Variants in NRXN3 observed in about 807,000 individuals in gnomAD.
NRXN3 encodes neurexin III.
In NRXN3, 32 loss-of-function variants were observed where a neutral mutation model predicts 137.6. The observed-to-expected ratio is 0.23, with a 90% confidence interval of 0.18 to 0.31. NRXN3 has a LOEUF of 0.31. Among genes scored for constraint, NRXN3 ranks in the 10% least tolerant of loss-of-function variants. NRXN3 has a pLI of 1.00. For synonymous variants in NRXN3, 798 were observed against 784.5 expected, an observed-to-expected ratio of 1.02 and a Z score of -0.29; for missense variants, 1,574 against 2,062.5, an observed-to-expected ratio of 0.76 and a Z score of 4.59.
chr14:79,089,308 C>A (rs2202175), intron 15 of NRXN3, among the ~76,000 whole-genome samples: 76,317 of 151,846 alleles, frequency 0.5, 22,387 homozygotes, highest in East Asian at 0.78. Flanking sequence ...GCTTTGAGCT[C>A]CCGAGAATGC....
At chr14:78,894,485 G>T (rs1212598019) in intron 10 of NRXN3, among the ~76,000 whole-genome samples, 1 of 151,780 alleles carries the variant, frequency 6.6e-6, no homozygotes, top group East Asian at 1.9e-4. Context: ...TAGTTCTCTT[G>T]CTACTTCCAC....
chr14:79,097,381 C>T (rs2050544315), intron 15 of NRXN3, among the ~76,000 whole-genome samples: 1 of 152,176 alleles, frequency 6.6e-6, no homozygotes, highest in South Asian at 2.1e-4. Flanking sequence ...GAGGAACAGC[C>T]ATTCTCTTTC....
chr14:79,858,506 T>A (rs562308391), intron 20 of NRXN3, among the ~76,000 whole-genome samples: 49 of 152,312 alleles, frequency 3.2e-4, no homozygotes, highest in African/African-American at 1.1e-3. Flanking sequence ...ATATCAGTTA[T>A]TCCTTGTCCT....
chr14:78,848,023 C>T (rs1296764046), intron 10 of NRXN3, among the ~76,000 whole-genome samples: 1 of 152,096 alleles, frequency 6.6e-6, no homozygotes, highest in African/African-American at 2.4e-5. Context: ...CACCCCCGGC[C>T]TCTGGCTAAG....
chr14:78,843,976 C>A (rs2099019764), intron 10 of NRXN3, among the ~76,000 whole-genome samples: 2 of 152,066 alleles, frequency 1.3e-5, no homozygotes, highest in African/African-American at 2.4e-5. Flanking sequence ...GGCTTCCAAG[C>A]AAATTACCAC....
chr14:79,660,178 CAGCTGTGCATGAT>C (rs1265756617), intron 16 of NRXN3, among the ~76,000 whole-genome samples: 1 of 152,132 alleles, frequency 6.6e-6, no homozygotes, highest in African/African-American at 2.4e-5. Context: ...ATTTGCATGG[CAGCTGTGCATGAT>C]AGTTTCAAGC....
rs565919340 is a variant in NRXN3 at position 79,175,476 on chromosome 14, C to T, written c.3262+187335C>T. On this transcript the variant is annotated intron_variant, in intron 15 of 20. Transcript: ENST00000335750. Reference sequence around the variant, plus strand: ...TATAAACTTACAAGTATCCATTGCACGTGCTTTACATTTGTTTTATATCAA... The same window carrying T: ...TATAAACTTACAAGTATCCATTGCATGTGCTTTACATTTGTTTTATATCAA... Among the ~76,000 whole-genome samples, 115 of 152,294 alleles carry T rather than the reference C, an allele frequency of 7.6e-4. 1 individual carries two copies. The highest frequency in any genetic ancestry group is 2.9e-3 in the Admixed American group (45 of 15,306).
At chr14:78,552,123 G>A (rs1008287172) in intron 4 of NRXN3, among the ~76,000 whole-genome samples, 1 of 152,168 alleles carries the variant, frequency 6.6e-6, no homozygotes, top group Non-Finnish European at 1.5e-5. Flanking sequence ...TTGGATTTCA[G>A]TCCTAAGTCT....
At position 78,591,848 on chromosome 14, in the gene NRXN3, T is replaced by C. The variant is rs180925206; in HGVS notation, c.758-53272T>C. Among the ~76,000 whole-genome samples, 107 of 152,346 alleles carry C rather than the reference T, an allele frequency of 7.0e-4. 1 individual carries two copies. Among genetic ancestry groups the C allele is most frequent in the African/African-American group, 2.1e-3 (88 of 41,578 alleles). On this transcript the variant is annotated intron_variant, in intron 4 of 20. Transcript: ENST00000335750. ...AGTTGCGCCATCGCCATTACTCTAATGGTTCAGAAATAGCTTCCCCTCTTC... is the reference window on the plus strand; with the variant it reads ...AGTTGCGCCATCGCCATTACTCTAACGGTTCAGAAATAGCTTCCCCTCTTC...
chr14:79,128,894 G>A (rs942106111), intron 15 of NRXN3, among the ~76,000 whole-genome samples: 11 of 151,838 alleles, frequency 7.2e-5, no homozygotes, highest in African/African-American at 2.4e-4. Context: ...CTTCTTCCTG[G>A]TTTAGTCTTG....
At chr14:78,264,509 C>T (rs1414194446) in intron 2 of NRXN3, among the ~76,000 whole-genome samples, 2 of 152,000 alleles carry the variant, frequency 1.3e-5, no homozygotes, top group Non-Finnish European at 2.9e-5. Context: ...AATCTGGGCC[C>T]TGTTCTTCTA....
intron 15 of NRXN3, among the ~76,000 whole-genome samples, chr14:79,136,835 A>G (rs1024440397): frequency 2.0e-5 from 3 of 152,244 alleles, no homozygotes; most frequent in African/African-American, 7.2e-5. Context: ...ACAACAATGG[A>G]AAACTATAGA....
At chr14:79,466,449 G>T (rs541104127) in intron 15 of NRXN3, among the ~76,000 whole-genome samples, 1 of 152,010 alleles carries the variant, frequency 6.6e-6, no homozygotes, top group African/African-American at 2.4e-5. Flanking sequence ...TTAGCCGGGC[G>T]TGGTGGCACG....
intron 17 of NRXN3, among the ~76,000 whole-genome samples, chr14:79,665,489 G>A (rs1416801309): frequency 6.6e-6 from 1 of 152,100 alleles, no homozygotes; most frequent in Non-Finnish European, 1.5e-5. Context: ...CTTAATCCCT[G>A]ATGGATGGGG....
At chr14:79,854,172 GT>G in intron 20 of NRXN3, 12 of 982,808 alleles carry the variant, frequency 1.2e-5, no homozygotes, top group Non-Finnish European at 1.5e-5. Flanking sequence ...ACTTTCTTTT[GT>G]AAATTTTTCT....
chr14:78,660,253 T>TTATATATA (rs373491178), intron 6 of NRXN3, among the ~76,000 whole-genome samples: 1,504 of 139,684 alleles, frequency 0.011, 47 homozygotes, highest in African/African-American at 0.037. Flanking sequence ...AGAAGTAGAT[T>TTATATATA]TATATATATA....
In NRXN3 at chr14:79,865,679, G is replaced by GC. The variant is rs1435876089; in HGVS notation, c.*3716dup. ...GAGATGGAGTCTTGCAGCCTACAGT[G>GC]CAGTGGCATGATATTGGCTCACTGC... On this transcript the variant is annotated 3_prime_UTR_variant, in exon 21 of 21. Coordinates refer to ENST00000335750, the MANE Select transcript of NRXN3 (RefSeq NM_001330195.2). The GC allele has an allele frequency of 1.3e-5, 2 of 152,088 alleles. No homozygotes were observed. Among genetic ancestry groups the GC allele is most frequent in the African/African-American group, 4.8e-5 (2 of 41,392 alleles). The allele number at this position is 152,088 out of a possible 1,614,324, so 9.4% of individuals were successfully genotyped here.
At chr14:79,833,483 T>C (rs1361773597) in intron 20 of NRXN3, among the ~76,000 whole-genome samples, 1 of 152,136 alleles carries the variant, frequency 6.6e-6, no homozygotes, top group African/African-American at 2.4e-5. Context: ...ACTTCTTAAT[T>C]TTGTAATGCT....
chr14:78,686,052 C>G (rs944166326), intron 6 of NRXN3, among the ~76,000 whole-genome samples: 1 of 152,250 alleles, frequency 6.6e-6, no homozygotes, highest in Middle Eastern at 3.4e-3. Context: ...GCTTGTCCAT[C>G]ACCATCTAAC....
Sources: gnomAD v4.1 joint callset for allele counts (sites outside exome capture counted in the v4.1 genomes callset) on GRCh38, gnomAD v4.1.1 for gene constraint, MANE v1.5 for transcripts, NCBI Gene and HGNC (gene_info 2026-07-23, HGNC 2026-07-21) for gene names.